FRMPD3: variants seen among roughly 807,000 people sequenced by gnomAD.
The protein encoded by FRMPD3 is FERM and PDZ domain-containing protein 3.
FRMPD3 carries 42 observed loss-of-function variants against 97.9 expected under a neutral mutation model. The ratio of observed to expected loss-of-function variants is 0.43; its 90% confidence interval spans 0.34 to 0.55. The LOEUF (loss-of-function observed/expected upper bound fraction) is 0.55, where lower values mean the gene tolerates loss of function less well. Among genes scored for constraint, FRMPD3 ranks in the 20% least tolerant of loss-of-function variants. The pLI is 0.03. For missense variants in FRMPD3, 1,303 were observed against 1,457.7 expected, an observed-to-expected ratio of 0.89 and a Z score of 1.73; for synonymous variants, 577 against 581.1, an observed-to-expected ratio of 0.99 and a Z score of 0.10.
chrX:107,538,109 C>G (rs1879378442), intron 4 of FRMPD3, among the ~76,000 whole-genome samples: 1 of 111,596 alleles, frequency 9.0e-6, no homozygotes, highest in South Asian at 3.8e-4. Context: ...TGGCCTCAGG[C>G]AAGTCACTTA....
chrX:107,560,774 TC>T lies in FRMPD3; in HGVS notation c.948del (p.Ile317SerfsTer14). 1 of 1,175,515 alleles carries T rather than the reference TC, an allele frequency of 8.5e-7. No homozygotes were observed. The highest frequency in any genetic ancestry group is 1.1e-6 in the Non-Finnish European group (1 of 877,002). Reference sequence around the variant, plus strand: ...TTTCTTCCCCCCTCCCTCCTGCAGGTCATCAAAGAGAAGAACCTCCGGAAAT... The same window carrying T: ...TTTCTTCCCCCCTCCCTCCTGCAGGTATCAAAGAGAAGAACCTCCGGAAAT... ...EPFLPPSLLQ[V>X]IKEKNLRKSL... On this transcript the variant is annotated frameshift_variant, in exon 10 of 15. Transcript: ENST00000683843. LOFTEE classifies it high-confidence loss of function.
intron 1 of FRMPD3, among the ~76,000 whole-genome samples, chrX:107,461,756 A>G (rs1409419686): frequency 1.3e-5 from 1 of 79,330 alleles, no homozygotes; most frequent in Non-Finnish European, 2.5e-5. Flanking sequence ...GCTGGAATTC[A>G]TTATACATAT....
chrX:107,552,785 T>C lies in FRMPD3; in HGVS notation c.511-10T>C. 8.3e-7 allele frequency: 1 copy of C among 1,207,930 alleles called. No individual in the cohort carries two copies. Among genetic ancestry groups the C allele is most frequent in the Non-Finnish European group, 1.1e-6 (1 of 894,141 alleles). On this transcript the variant is annotated splice_polypyrimidine_tract_variant and intron_variant, in intron 6 of 14. Transcript: ENST00000683843. ...TAATCTCCCTCTCAAGGCTCTTTTC[T>C]GTCCCACAGGATGTGATGTTGACAT...
At position 107,481,996 on chromosome X, in the gene FRMPD3, A is replaced by G. The variant is rs182049215; in HGVS notation, c.-8+31991A>G. On this transcript the variant is annotated intron_variant, in intron 1 of 14. Transcript: ENST00000683843. ...GGACTTAACCAAGGCTACCCAGCTA[A>G]TTAGTCCAGGTAGAGCCCCCAAGTC... is the stretch of plus-strand genomic sequence containing the variant. Among the ~76,000 whole-genome samples, 683 of 111,881 alleles carry G rather than the reference A, an allele frequency of 6.1e-3. 1 individual carries two copies. Among genetic ancestry groups the G allele is most frequent in the East Asian group, 0.019 (69 of 3,574 alleles).
intron 1 of FRMPD3, among the ~76,000 whole-genome samples, chrX:107,524,717 G>A (rs1234917120): frequency 9.0e-6 from 1 of 110,899 alleles, no homozygotes; most frequent in East Asian, 2.9e-4. Context: ...TCTCGGCTAG[G>A]CGCGGTGGCT....
Position 107,600,557 on chromosome X carries a change from C to T in FRMPD3, c.2518C>T (p.Pro840Ser), listed in dbSNP as rs1602870147. 2 of 1,211,012 alleles carry T rather than the reference C, an allele frequency of 1.7e-6. No individual in the cohort carries two copies. Among genetic ancestry groups the T allele is most frequent in the East Asian group, 5.9e-5 (2 of 33,843 alleles). ...CTCTCTTGGGCGCCCGGATCCCAAC[C>T]CATCTCTCCAACCCATTGCCACAGG... Reference protein sequence around the residue: ...PYSLGRPDPNPSLQPIATGQS... With the variant: ...PYSLGRPDPNSSLQPIATGQS... Residue 840 changes from proline (P) to serine (S), a missense_variant, in exon 15 of 15, where the codon CCA becomes TCA. This residue lies in a region of FRMPD3 where 764 missense variants were observed against 820.2 expected (regional missense o/e 0.93). Coordinates refer to ENST00000683843, the MANE Select transcript of FRMPD3 (RefSeq NM_001388459.1).
At chrX:107,565,348 A>G (rs1471162460) in intron 12 of FRMPD3, among the ~76,000 whole-genome samples, 1 of 111,670 alleles carries the variant, frequency 9.0e-6, no homozygotes, top group East Asian at 2.8e-4. Context: ...GAGAACTTGG[A>G]GCTACCCCCA....
chrX:107,516,221 C>T (rs1043245418), intron 1 of FRMPD3, among the ~76,000 whole-genome samples: 5 of 110,270 alleles, frequency 4.5e-5, no homozygotes, highest in Non-Finnish European at 9.5e-5. Flanking sequence ...TTTTTTATGG[C>T]TGCATAGTAT....
At chrX:107,535,820 C>G (rs1923209789) in intron 4 of FRMPD3, among the ~76,000 whole-genome samples, 1 of 110,742 alleles carries the variant, frequency 9.0e-6, no homozygotes, top group East Asian at 2.8e-4. Context: ...TAAAGATACC[C>G]CATTTACCAT....
chrX:107,511,002 A>C (rs1010000573), intron 1 of FRMPD3, among the ~76,000 whole-genome samples: 1 of 112,099 alleles, frequency 8.9e-6, no homozygotes, highest in Non-Finnish European at 1.9e-5. Context: ...AAGAGGGAGG[A>C]GCAGGTAGAC....
chrX:107,586,449 A>G (rs1160310874), intron 13 of FRMPD3, among the ~76,000 whole-genome samples: 3 of 107,989 alleles, frequency 2.8e-5, no homozygotes, highest in Admixed American at 2.0e-4. Flanking sequence ...ATATCCTTCA[A>G]TTCTGCTCTG....
At chrX:107,488,467 C>A (rs1237997083) in intron 1 of FRMPD3, among the ~76,000 whole-genome samples, 1 of 112,372 alleles carries the variant, frequency 8.9e-6, no homozygotes, top group Non-Finnish European at 1.9e-5. Context: ...GGTGTTTAGC[C>A]CTTATGGCTA....
chrX:107,562,930 A>C (rs1217979108), intron 10 of FRMPD3, among the ~76,000 whole-genome samples, 181 bp from the exon 11 acceptor site: 2 of 111,972 alleles, frequency 1.8e-5, no homozygotes, highest in African/African-American at 3.2e-5. Context: ...GAGATACTAG[A>C]GGGAAGAGCT....
chrX:107,464,223 G>T (rs779820376), intron 1 of FRMPD3, among the ~76,000 whole-genome samples: 12 of 111,868 alleles, frequency 1.1e-4, no homozygotes, highest in South Asian at 3.8e-4. Context: ...CACATTTTTT[G>T]ATATTGAGCT....
rs944501252 is a variant in FRMPD3, at chrX:107,495,864, T to C, written c.-7-30718T>C. On this transcript the variant is annotated intron_variant, in intron 1 of 14. Transcript: ENST00000683843. The stretch of plus-strand genomic sequence containing the variant: ...TGTATTTTTTAAACATTATGACATC[T>C]GCCTAAAGTTTGGTAAATAGTGATA... Among the ~76,000 whole-genome samples, 4 of 112,624 alleles carry C rather than the reference T, an allele frequency of 3.6e-5. No homozygotes were observed. In the East Asian group the frequency reaches 1.1e-3, roughly 31 times the overall value.
chrX:107,589,654 A>G (rs1213383896), intron 13 of FRMPD3, among the ~76,000 whole-genome samples: 1 of 112,312 alleles, frequency 8.9e-6, no homozygotes, highest in East Asian at 2.8e-4. Flanking sequence ...CTAGTCAGCC[A>G]TCTTGACCCT....
chrX:107,601,303 GGGT>G lies in FRMPD3; in HGVS notation c.3268_3270del (p.Gly1090del), dbSNP rs763924012. On this transcript the variant is annotated inframe_deletion, in exon 15 of 15. Coordinates refer to ENST00000683843, the MANE Select transcript of FRMPD3 (RefSeq NM_001388459.1). ...AGGTGGCAGGCAAAGGCGGGCCAGT[GGGT>G]GGTAAGCCCACCCTGCAGAAGCAGG... is the stretch of plus-strand genomic sequence containing the variant. 1 of 1,206,473 alleles carries G rather than the reference GGGT, an allele frequency of 8.3e-7. No individual in the cohort carries two copies. Among genetic ancestry groups the G allele is most frequent in the East Asian group, 3.0e-5 (1 of 33,674 alleles).
intron 4 of FRMPD3, 192 bp from the exon 5 acceptor site, chrX:107,545,545 C>T (rs1417948954): frequency 2.6e-5 from 10 of 385,083 alleles, no homozygotes; most frequent in Non-Finnish European, 4.5e-5. Context: ...CCAGCTGTTT[C>T]AGAACACACC....
intron 1 of FRMPD3, among the ~76,000 whole-genome samples, chrX:107,490,818 T>G (rs2066160406): frequency 8.9e-6 from 1 of 111,825 alleles, no homozygotes; most frequent in African/African-American, 3.3e-5. Context: ...CATGGGCCTG[T>G]CCATGATTTT....
Sources: allele counts gnomAD v4.1 joint callset (sites outside exome capture counted in the v4.1 genomes callset), GRCh38; gene constraint gnomAD v4.1.1; regional missense constraint gnomAD v4.1.1; transcripts MANE v1.5; gene names NCBI Gene and HGNC (gene_info 2026-07-23, HGNC 2026-07-21).